Variants in CUTC observed in about 807,000 individuals in gnomAD.
CUTC encodes the protein copper homeostasis protein cutC homolog.
A neutral mutation model predicts 36.2 loss-of-function variants in CUTC; 27 were observed. The observed-to-expected ratio is 0.75, with a 90% CI of 0.55 to 1.03. CUTC has a LOEUF of 1.03. Ranked by LOEUF, CUTC falls within the 50% of genes least tolerant of loss-of-function variation. The pLI is 0.00. For synonymous variants in CUTC, 114 were observed against 118.3 expected (o/e 0.96, Z 0.24); for missense variants, 315 against 343.5 (o/e 0.92, Z 0.66).
chr10:99,753,833 A>G (rs983596368), intron 7 of CUTC, among the ~76,000 whole-genome samples: 3 of 152,242 alleles, frequency 2.0e-5, no homozygotes, highest in African/African-American at 7.2e-5. Flanking sequence ...CTTGAGATAC[A>G]AAGTACATAG....
intron 6 of CUTC, among the ~76,000 whole-genome samples, chr10:99,749,726 G>T (rs2037402663): frequency 1.3e-5 from 2 of 151,924 alleles, no homozygotes; most frequent in African/African-American, 4.8e-5. Flanking sequence ...TAAATTATTT[G>T]AAATAGCCAC....
intron 5 of CUTC, among the ~76,000 whole-genome samples, chr10:99,745,113 A>G (rs2037368953): frequency 6.6e-6 from 1 of 152,274 alleles, no homozygotes; most frequent in African/African-American, 2.4e-5. Context: ...TGGAAGAACA[A>G]GTATCTATTT....
At chr10:99,735,912 G>A (rs2037293207) in intron 1 of CUTC, among the ~76,000 whole-genome samples, 1 of 152,162 alleles carries the variant, frequency 6.6e-6, no homozygotes, top group Non-Finnish European at 1.5e-5. Context: ...TTATAAAGAA[G>A]TTTAAATATA....
At chr10:99,746,635 A>C (rs1185842885) in intron 5 of CUTC, among the ~76,000 whole-genome samples, 1 of 152,128 alleles carries the variant, frequency 6.6e-6, no homozygotes, top group African/African-American at 2.4e-5. Flanking sequence ...CATTATTAAA[A>C]TGATTATGCA....
intron 2 of CUTC, among the ~76,000 whole-genome samples, chr10:99,738,005 G>T (rs1403604017): frequency 6.6e-6 from 1 of 152,048 alleles, no homozygotes; most frequent in Non-Finnish European, 1.5e-5. Flanking sequence ...AATTAGCTGG[G>T]CGTGGTAGTG....
At chr10:99,733,681 CAAAT>C (rs1169746359) in intron 1 of CUTC, among the ~76,000 whole-genome samples, 3 of 152,120 alleles carry the variant, frequency 2.0e-5, no homozygotes, top group East Asian at 1.9e-4. Context: ...GTGAAAAAGT[CAAAT>C]AAAGTGTTAG....
rs765012226 is a variant in CUTC at position 99,732,337 on chromosome 10, A to G, written c.-12A>G. Reference sequence around the variant, plus strand: ...GGAAACTGCAGGCGCACGAGGGAGGAACGCGTGGAGCATGAAAAGGCAGGG... The same window carrying G: ...GGAAACTGCAGGCGCACGAGGGAGGGACGCGTGGAGCATGAAAAGGCAGGG... On this transcript the variant is annotated 5_prime_UTR_variant, in exon 1 of 9. Coordinates refer to ENST00000370476, the MANE Select transcript of CUTC (RefSeq NM_015960.3). The G allele has an allele frequency of 1.7e-4, 261 of 1,551,880 alleles. 1 individual carries two copies. The highest frequency in any genetic ancestry group is 5.2e-6 in the Non-Finnish European group (6 of 1,147,426).
chr10:99,741,441 A>T (rs1300037474), intron 3 of CUTC, among the ~76,000 whole-genome samples: 1 of 152,196 alleles, frequency 6.6e-6, no homozygotes, highest in Non-Finnish European at 1.5e-5. Context: ...TGCACCGGTC[A>T]GTACTCAGCT....
chr10:99,743,816 AT>A (rs1357431031), intron 4 of CUTC, among the ~76,000 whole-genome samples: 2 of 152,218 alleles, frequency 1.3e-5, no homozygotes, highest in East Asian at 3.8e-4. Flanking sequence ...AATGGTTTTC[AT>A]TTGGTGATAA....
At chr10:99,751,620 G>C (rs879555343) in intron 7 of CUTC, among the ~76,000 whole-genome samples, 1 of 152,228 alleles carries the variant, frequency 6.6e-6, no homozygotes, top group African/African-American at 2.4e-5. Context: ...CACTTTGGGA[G>C]TCTGAGGCAG....
At chr10:99,739,590 G>T in intron 2 of CUTC, 120 bp from the exon 3 acceptor site, 2 of 862,122 alleles carry the variant, frequency 2.3e-6, no homozygotes, top group East Asian at 2.8e-5. Flanking sequence ...TTTATAATTT[G>T]ATTTCTCTGA....
intron 1 of CUTC, among the ~76,000 whole-genome samples, chr10:99,733,563 C>T (rs921782675): frequency 1.3e-5 from 2 of 150,042 alleles, no homozygotes; most frequent in Non-Finnish European, 3.0e-5. Context: ...AACGCCTCTT[C>T]ACGGAGGTTG....
In CUTC at chr10:99,743,363, G is replaced by C. The variant is rs2037354386; in HGVS notation, c.403+1G>C. On this transcript the variant is annotated splice_donor_variant, in intron 4 of 8. Coordinates refer to ENST00000370476, the MANE Select transcript of CUTC (RefSeq NM_015960.3). LOFTEE classifies it high-confidence loss of function. ...AAAGAGCTGTGTATGTCCCTTATGG[G>C]TAAGAATTTGTATCTAAGACGTAAA... 1 of 1,611,390 alleles carries C rather than the reference G, an allele frequency of 6.2e-7. No homozygotes were observed.
At chr10:99,735,079 G>A (rs1283867390) in intron 1 of CUTC, among the ~76,000 whole-genome samples, 2 of 145,014 alleles carry the variant, frequency 1.4e-5, no homozygotes, top group East Asian at 4.0e-4. Flanking sequence ...TCTAGCCTGG[G>A]CGACAGAGCA....
chr10:99,736,593 C>T (rs2133662604), intron 2 of CUTC, among the ~76,000 whole-genome samples: 1 of 152,264 alleles, frequency 6.6e-6, no homozygotes, highest in Non-Finnish European at 1.5e-5. Flanking sequence ...AAACCATTAA[C>T]TTAAAGATGA....
At chr10:99,746,088 C>T (rs979847729) in intron 5 of CUTC, among the ~76,000 whole-genome samples, 3 of 152,164 alleles carry the variant, frequency 2.0e-5, no homozygotes, top group African/African-American at 7.2e-5. Flanking sequence ...ACTCACCTGC[C>T]TATCACATTT....
chr10:99,736,149 C>T (rs1289482328), intron 1 of CUTC, 97 bp from the exon 2 acceptor site: 2 of 893,278 alleles, frequency 2.2e-6, no homozygotes, highest in Admixed American at 3.7e-5. Flanking sequence ...TGTTATTGGA[C>T]ATTTGCATTT....
In CUTC at chr10:99,750,397, GTATT is replaced by G. The variant is rs762326903; in HGVS notation, c.601+9_601+12del. The G allele has an allele frequency of 1.3e-6, 2 of 1,585,568 alleles. No homozygotes were observed. The highest frequency in any genetic ancestry group is 1.7e-6 in the Non-Finnish European group (2 of 1,170,436). ...AAAGGCAGGATTGTGGTAATGCCAGGTATTTATTTATCTATCAATTCACTAGCAT... is the reference window on the plus strand; with the variant it reads ...AAAGGCAGGATTGTGGTAATGCCAGGTATTTATCTATCAATTCACTAGCAT... On this transcript the variant is annotated splice_donor_variant and splice_donor_5th_base_variant and intron_variant, in intron 7 of 8. Coordinates refer to ENST00000370476, the MANE Select transcript of CUTC (RefSeq NM_015960.3). LOFTEE classifies it high-confidence loss of function.
At chr10:99,747,415 C>T (rs367999963) in intron 6 of CUTC, 25 bp downstream of exon 6, 149 of 1,613,250 alleles carry the variant, frequency 9.2e-5, no homozygotes, top group Non-Finnish European at 1.2e-4. Flanking sequence ...TCTTTTTTTC[C>T]CCTAAGACTC....
Sources: allele counts gnomAD v4.1 joint callset (sites outside exome capture counted in the v4.1 genomes callset), GRCh38; gene constraint gnomAD v4.1.1; transcripts MANE v1.5; gene names NCBI Gene and HGNC (gene_info 2026-07-23, HGNC 2026-07-21).